NHEJ1: variants seen among roughly 807,000 people sequenced by gnomAD.
NHEJ1 encodes the protein non-homologous end joining factor 1, also known as non-homologous end-joining factor 1.
In NHEJ1, 22 loss-of-function variants were observed where a neutral mutation model predicts 39.4. That is an observed-to-expected ratio of 0.56 (90% CI 0.40 to 0.80). NHEJ1 has a LOEUF of 0.80. NHEJ1 is among the 30% of genes least tolerant of loss of function. The pLI is 0.00. For synonymous variants in NHEJ1, 154 were observed against 135.6 expected, an observed-to-expected ratio of 1.14 and a Z score of -0.94; for missense variants, 329 against 357.1, an observed-to-expected ratio of 0.92 and a Z score of 0.63.
At chr2:219,110,906 G>C (rs1392310820) in intron 5 of NHEJ1, among the ~76,000 whole-genome samples, 2 of 152,092 alleles carry the variant, frequency 1.3e-5, no homozygotes, top group African/African-American at 4.8e-5. Context: ...TGAGGAGTCT[G>C]GGCTGACTGC....
intron 5 of NHEJ1, among the ~76,000 whole-genome samples, chr2:219,087,656 C>G (rs1949123671): frequency 6.6e-6 from 1 of 152,052 alleles, no homozygotes; most frequent in East Asian, 1.9e-4. Context: ...GGGTGACGCA[C>G]CACCTCCCCC....
chr2:219,121,250 C>T (rs1949468796), intron 5 of NHEJ1, among the ~76,000 whole-genome samples: 1 of 151,886 alleles, frequency 6.6e-6, no homozygotes, highest in Non-Finnish European at 1.5e-5. Context: ...CCAAAGCTTC[C>T]CTAGTAACAT....
intron 5 of NHEJ1, among the ~76,000 whole-genome samples, chr2:219,115,488 G>C (rs1285976256): frequency 1.3e-5 from 2 of 152,184 alleles, no homozygotes; most frequent in Admixed American, 6.5e-5. Flanking sequence ...GATCATGCAA[G>C]TCAAGAGCCT....
At chr2:219,097,961 AG>A (rs1949224202) in intron 5 of NHEJ1, among the ~76,000 whole-genome samples, 1 of 152,218 alleles carries the variant, frequency 6.6e-6, no homozygotes, top group Non-Finnish European at 1.5e-5. Flanking sequence ...ATTGTGAAGA[AG>A]TAACTGATGA....
At chr2:219,113,031 C>CT (rs1949380027) in intron 5 of NHEJ1, among the ~76,000 whole-genome samples, 1 of 152,080 alleles carries the variant, frequency 6.6e-6, no homozygotes, top group Non-Finnish European at 1.5e-5. Flanking sequence ...TGCTATACAT[C>CT]TTAAAATCAT....
chr2:219,140,021 G>A (rs1949675531), intron 5 of NHEJ1, among the ~76,000 whole-genome samples: 1 of 152,226 alleles, frequency 6.6e-6, no homozygotes, highest in Admixed American at 6.5e-5. Context: ...TTGTTACACA[G>A]CAATGGATAA....
Position 219,072,138 on chromosome 2 carries a change from A to G in NHEJ1, c.*4243T>C, listed in dbSNP as rs1359034315. Among the ~76,000 whole-genome samples, 1 of 152,198 alleles carries G rather than the reference A, an allele frequency of 6.6e-6. No homozygotes were observed. The highest frequency in any genetic ancestry group is 1.5e-5 in the Non-Finnish European group (1 of 68,028). On this transcript the variant is annotated 3_prime_UTR_variant, in exon 8 of 8. Transcript: ENST00000356853. ...ACAAGCTACCTCATACCCTCCATGC[A>G]CTGGATGTTCCGCTCATGGTGAGAT... is the stretch of plus-strand genomic sequence containing the variant.
chr2:219,138,358 T>A (rs1292962006), intron 5 of NHEJ1, among the ~76,000 whole-genome samples: 1 of 152,224 alleles, frequency 6.6e-6, no homozygotes, highest in Admixed American at 6.5e-5. Context: ...TCAGAAAACA[T>A]AAATGTCAAA....
At chr2:219,138,957 G>A (rs921084324) in intron 5 of NHEJ1, among the ~76,000 whole-genome samples, 3 of 152,220 alleles carry the variant, frequency 2.0e-5, no homozygotes, top group Admixed American at 6.5e-5. Flanking sequence ...CCACTTAAGT[G>A]TGACCCAGAC....
intron 5 of NHEJ1, among the ~76,000 whole-genome samples, chr2:219,106,949 C>T (rs1053597786): frequency 2.6e-5 from 4 of 152,136 alleles, no homozygotes; most frequent in African/African-American, 4.8e-5. Context: ...TTCATTTTTT[C>T]CTATTTCCCA....
At chr2:219,138,632 C>T (rs1949661029) in intron 5 of NHEJ1, among the ~76,000 whole-genome samples, 3 of 152,110 alleles carry the variant, frequency 2.0e-5, no homozygotes, top group African/African-American at 4.8e-5. Context: ...AGCTTACATT[C>T]TAACAGACAG....
chr2:219,135,154 A>C (rs1418885812), intron 5 of NHEJ1, among the ~76,000 whole-genome samples: 1 of 152,182 alleles, frequency 6.6e-6, no homozygotes, highest in African/African-American at 2.4e-5. Context: ...AGGCTAAGGC[A>C]TTGTTAAATT....
At chr2:219,117,792 G>T (rs1949430077) in intron 5 of NHEJ1, among the ~76,000 whole-genome samples, 1 of 152,172 alleles carries the variant, frequency 6.6e-6, no homozygotes, top group South Asian at 2.1e-4. Flanking sequence ...CTGAATCTCA[G>T]TTTTACTCTG....
intron 5 of NHEJ1, among the ~76,000 whole-genome samples, chr2:219,143,589 C>T (rs1254600207): frequency 6.6e-6 from 1 of 152,214 alleles, no homozygotes; most frequent in African/African-American, 2.4e-5. Context: ...ACTTCTTCAT[C>T]TATAAAATAG....
intron 5 of NHEJ1, among the ~76,000 whole-genome samples, chr2:219,139,664 T>A (rs996789914): frequency 6.6e-6 from 1 of 152,104 alleles, no homozygotes; most frequent in Non-Finnish European, 1.5e-5. Context: ...TTTTGGTTTT[T>A]TGGGGTTTTT....
At chr2:219,089,829 T>C (rs2106327107) in intron 5 of NHEJ1, among the ~76,000 whole-genome samples, 1 of 152,328 alleles carries the variant, frequency 6.6e-6, no homozygotes, top group East Asian at 1.9e-4. Flanking sequence ...TATTCTCCAC[T>C]CTATTTCCTC....
intron 5 of NHEJ1, 96 bp downstream of exon 5, chr2:219,146,584 C>T: frequency 3.1e-6 from 3 of 958,964 alleles, no homozygotes; most frequent in South Asian, 2.6e-5. Context: ...ATTCCAACCA[C>T]ACAAGCCACC....
At chr2:219,132,687 A>G (rs1298344128) in intron 5 of NHEJ1, among the ~76,000 whole-genome samples, 3 of 152,176 alleles carry the variant, frequency 2.0e-5, no homozygotes. Context: ...CTTTTCCTTC[A>G]GCAGCCACTC....
At chr2:219,153,267 C>G (rs1949815126) in intron 3 of NHEJ1, among the ~76,000 whole-genome samples, 1 of 152,066 alleles carries the variant, frequency 6.6e-6, no homozygotes, top group Non-Finnish European at 1.5e-5. Context: ...GAAACTGAAT[C>G]ATAAAAATTC....
Sources: allele counts gnomAD v4.1 joint callset (sites outside exome capture counted in the v4.1 genomes callset), GRCh38; gene constraint gnomAD v4.1.1; transcripts MANE v1.5; gene names NCBI Gene and HGNC (gene_info 2026-07-23, HGNC 2026-07-21).